The following ODAD1 variants were observed in gnomAD, a reference collection of about 807,000 sequenced individuals.
ODAD1 encodes the protein outer dynein arm-docking complex subunit 1.
A neutral mutation model predicts 67.2 loss-of-function variants in ODAD1; 49 were observed. That is an observed-to-expected ratio of 0.73 (90% confidence interval 0.58 to 0.92). The LOEUF (loss-of-function observed/expected upper bound fraction) is 0.92. ODAD1 is among the 40% of genes least tolerant of loss of function. The pLI is 0.00. For missense variants in ODAD1, 897 were observed against 953.7 expected (o/e 0.94, Z 0.78); for synonymous variants, 345 against 393.7 (o/e 0.88, Z 1.46).
At position 48,296,725 on chromosome 19, in the gene ODAD1, A is replaced by C. The variant is rs993261540; in HGVS notation, c.*251T>G. The C allele has an allele frequency of 2.2e-6, 3 of 1,337,968 alleles. No homozygotes were observed. The highest frequency in any genetic ancestry group is 2.9e-6 in the Non-Finnish European group (3 of 1,043,384). 82.9% of individuals were successfully genotyped at this position (1,337,968 alleles called of 1,614,324 possible). A position where few individuals can be genotyped will look rare whatever the true frequency, so the allele number is the denominator to read the frequency against. On this transcript the variant is annotated 3_prime_UTR_variant, in exon 16 of 16. Transcript: ENST00000674294. ...ATGGAGACAAGACGGACAGACACTGACCAGGAAGCCCAGAGAACAGGAGAT... is the reference window on the plus strand; with the variant it reads ...ATGGAGACAAGACGGACAGACACTGCCCAGGAAGCCCAGAGAACAGGAGAT...
At chr19:48,320,446 G>C (rs1398596704) in intron 2 of ODAD1, 55 bp from the exon 3 acceptor site, 41 of 1,031,246 alleles carry the variant, frequency 4.0e-5, no homozygotes, top group African/African-American at 5.0e-5. Flanking sequence ...AGGGCCCAGA[G>C]AGGGTGGACA....
intron 12 of ODAD1, among the ~76,000 whole-genome samples, chr19:48,301,500 T>TTATCATCA (rs1355059211): frequency 6.6e-6 from 1 of 152,218 alleles, no homozygotes; most frequent in African/African-American, 2.4e-5. Context: ...CTATTATATT[T>TTATCATCA]TATCATCATT....
In ODAD1 at chr19:48,321,865, G is replaced by C; in HGVS notation, c.-251C>G. 2.5e-6 allele frequency: 1 copy of C among 398,594 alleles called. No individual in the cohort carries two copies. The highest frequency in any genetic ancestry group is 4.4e-6 in the Non-Finnish European group (1 of 226,028). 24.7% of individuals were successfully genotyped at this position (398,594 alleles called of 1,614,324 possible). On this transcript the variant is annotated 5_prime_UTR_variant, in exon 1 of 16. Coordinates refer to ENST00000674294, the MANE Select transcript of ODAD1 (RefSeq NM_001364171.2). ...AAGCCGGGAGTTGCGCGGAGAAGGAGCGCTCAACACAGCCTCAGCGGTTCA... is the reference window on the plus strand; with the variant it reads ...AAGCCGGGAGTTGCGCGGAGAAGGACCGCTCAACACAGCCTCAGCGGTTCA...
intron 8 of ODAD1, among the ~76,000 whole-genome samples, chr19:48,305,796 C>T (rs1968592934): frequency 6.6e-6 from 1 of 151,988 alleles, no homozygotes; most frequent in Non-Finnish European, 1.5e-5. Flanking sequence ...TGCAATGGCT[C>T]ATGCCTGTAA....
rs183661723 is a variant in ODAD1 at position 48,308,232 on chromosome 19, T to C, written c.598-1909A>G. On this transcript the variant is annotated intron_variant, in intron 7 of 15. Transcript: ENST00000674294. ...TCTTGTTGCCCAGGCTGGAGTGCAATGGCACAATCTTGGCTCACTGCAGCC... is the reference window on the plus strand; with the variant it reads ...TCTTGTTGCCCAGGCTGGAGTGCAACGGCACAATCTTGGCTCACTGCAGCC... 7.5e-4 allele frequency among the ~76,000 whole-genome samples: 114 copies of C among 151,958 alleles called. 1 individual carries two copies. Among genetic ancestry groups the C allele is most frequent in the African/African-American group, 2.6e-3 (109 of 41,464 alleles).
intron 3 of ODAD1, chr19:48,320,024 G>A: frequency 1.4e-5 from 15 of 1,052,584 alleles, no homozygotes; most frequent in Non-Finnish European, 1.7e-5. Flanking sequence ...CATCTCTGTA[G>A]AAACACCCTT....
At chr19:48,316,928 G>T (rs1381336809) in intron 5 of ODAD1, among the ~76,000 whole-genome samples, 1 of 152,090 alleles carries the variant, frequency 6.6e-6, no homozygotes, top group East Asian at 1.9e-4. Flanking sequence ...GAACCTGGGA[G>T]GTGGAGGTTG....
rs201704290 is a variant in ODAD1 at position 48,298,120 on chromosome 19, G to A, written c.1405-23C>T. On this transcript the variant is annotated intron_variant, in intron 13 of 15. Transcript: ENST00000674294. Reference sequence around the variant, plus strand: ...GCTCTGGAGAGTGTGGGAGCCTGCGGTCAGCTGGGCCACCCCCGAGACCGG... The same window carrying A: ...GCTCTGGAGAGTGTGGGAGCCTGCGATCAGCTGGGCCACCCCCGAGACCGG... 370 of 1,612,046 alleles carry A rather than the reference G, an allele frequency of 2.3e-4. 2 individuals carry two copies. The highest frequency in any genetic ancestry group is 4.7e-5 in the Non-Finnish European group (56 of 1,179,606).
Position 48,311,682 on chromosome 19 carries a change from T to C in ODAD1, c.484-16A>G, listed in dbSNP as rs1312084066. The C allele has an allele frequency of 6.8e-7, 1 of 1,466,664 alleles. No homozygotes were observed. Among genetic ancestry groups the C allele is most frequent in the South Asian group, 1.2e-5 (1 of 82,398 alleles). 90.9% of individuals were successfully genotyped at this position (1,466,664 alleles called of 1,614,324 possible). On this transcript the variant is annotated splice_polypyrimidine_tract_variant and intron_variant, in intron 6 of 15. Coordinates refer to ENST00000674294, the MANE Select transcript of ODAD1 (RefSeq NM_001364171.2). Reference sequence around the variant, plus strand: ...GACAGGTGACCTGGGAGTAGAAAGGTGGATGGAAGAGTGGGTCTGAAGCCA... The same window carrying C: ...GACAGGTGACCTGGGAGTAGAAAGGCGGATGGAAGAGTGGGTCTGAAGCCA...
intron 12 of ODAD1, among the ~76,000 whole-genome samples, chr19:48,299,755 C>T (rs1175620342): frequency 3.3e-5 from 5 of 151,578 alleles, no homozygotes; most frequent in African/African-American, 7.3e-5. Flanking sequence ...GAGCCGAGAT[C>T]GTGCCACTGC....
rs190964996 is a variant in ODAD1, at chr19:48,297,398, C to T, written c.1702G>A (p.Val568Ile). 100 of 1,606,524 alleles carry T rather than the reference C, an allele frequency of 6.2e-5. No individual in the cohort carries two copies. The East Asian group carries it at 1.9e-3, about 31-fold the overall frequency. The change falls in exon 16 of 16, where the codon GTC (valine) becomes ATC (isoleucine). Residue 568 changes from valine (V) to isoleucine (I), a missense_variant. Physicochemically the swap from Val to Ile is conservative, Grantham distance 29. Transcript: ENST00000674294. ...TGGGGGTGCCTGGTGGGCACCAGGACGGTACTGGAGCCGGCCCTCTGGGTG... is the reference window on the plus strand; with the variant it reads ...TGGGGGTGCCTGGTGGGCACCAGGATGGTACTGGAGCCGGCCCTCTGGGTG... ...ASTQRAGSSTVLVPTRHPHAI... is the reference protein window; with the variant it reads ...ASTQRAGSSTILVPTRHPHAI...
chr19:48,311,953 C>G (rs1968774627), intron 6 of ODAD1, 41 bp downstream of exon 6: 1 of 1,541,388 alleles, frequency 6.5e-7, no homozygotes, highest in Non-Finnish European at 8.8e-7. Flanking sequence ...CTTCCCATAA[C>G]CGCACAATTC....
intron 10 of ODAD1, 173 bp from the exon 11 acceptor site, chr19:48,303,268 G>A (rs754860804): frequency 4.7e-6 from 3 of 641,294 alleles, no homozygotes; most frequent in Non-Finnish European, 8.4e-6. Flanking sequence ...AAAGAGGTGT[G>A]GGAAGATACG....
At chr19:48,301,353 T>C (rs1458079265) in intron 12 of ODAD1, among the ~76,000 whole-genome samples, 1 of 152,188 alleles carries the variant, frequency 6.6e-6, no homozygotes, top group Non-Finnish European at 1.5e-5. Context: ...CATGGATGAA[T>C]ACTGGGTAGA....
Position 48,296,818 on chromosome 19 carries a change from T to C in ODAD1, c.*158A>G, listed in dbSNP as rs1395722903. 5.6e-6 allele frequency: 8 copies of C among 1,417,072 alleles called. No individual in the cohort carries two copies. The highest frequency in any genetic ancestry group is 1.5e-5 in the African/African-American group (1 of 68,708). 87.8% of individuals were successfully genotyped at this position (1,417,072 alleles called of 1,614,324 possible). A position where few individuals can be genotyped will look rare whatever the true frequency, so the allele number is the denominator to read the frequency against. ...GAACCGGGAGACACAGGTGAGGCGG[T>C]GATGAAGGGCAGATGAAAACAGTTG... On this transcript the variant is annotated 3_prime_UTR_variant, in exon 16 of 16. Transcript: ENST00000674294.
chr19:48,305,354 G>A (rs1046887426), intron 8 of ODAD1, among the ~76,000 whole-genome samples: 2 of 151,696 alleles, frequency 1.3e-5, no homozygotes, highest in Non-Finnish European at 2.9e-5. Flanking sequence ...TAACAAATTC[G>A]CCAGATGCTT....
At chr19:48,305,783 G>A (rs901953084) in intron 8 of ODAD1, among the ~76,000 whole-genome samples, 2 of 152,012 alleles carry the variant, frequency 1.3e-5, no homozygotes, top group African/African-American at 4.8e-5. Flanking sequence ...AGGGCCGGTG[G>A]GGTGCAATGG....
intron 12 of ODAD1, 86 bp downstream of exon 12, chr19:48,302,608 A>G (rs959939157): frequency 8.7e-6 from 10 of 1,155,138 alleles, no homozygotes; most frequent in Non-Finnish European, 1.1e-5. Context: ...CAGGTTGTCC[A>G]TGCAATGCCT....
intron 11 of ODAD1, 22 bp from the exon 12 acceptor site, chr19:48,302,884 C>G: frequency 6.2e-7 from 1 of 1,601,188 alleles, no homozygotes; most frequent in Non-Finnish European, 8.5e-7. Context: ...GGGCTGAATG[C>G]TGGGCCAGAT....
Sources: allele counts gnomAD v4.1 joint callset (sites outside exome capture counted in the v4.1 genomes callset), GRCh38; gene constraint gnomAD v4.1.1; transcripts MANE v1.5; gene names NCBI Gene and HGNC (gene_info 2026-07-23, HGNC 2026-07-21).